Variants in ALKBH3 observed in about 807,000 individuals in gnomAD.
ALKBH3 encodes alkB homolog 3, alpha-ketoglutarate dependent dioxygenase.
Under a neutral mutation model 43.9 loss-of-function variants are expected in ALKBH3, and 51 were observed. The observed-to-expected ratio is 1.16, with a 90% CI of 0.93 to 1.47. ALKBH3 has a LOEUF of 1.47. Ranked by LOEUF, ALKBH3 falls within the 40% of genes most tolerant of loss-of-function variation. The pLI, the probability that ALKBH3 is intolerant of heterozygous loss-of-function variation, is 0.00. For missense variants in ALKBH3, 361 were observed against 351.9 expected, an observed-to-expected ratio of 1.03 and a Z score of -0.21; for synonymous variants, 102 against 115.2, an observed-to-expected ratio of 0.89 and a Z score of 0.73.
rs369573487 is a variant in ALKBH3 at position 43,902,033 on chromosome 11, A to G, written c.669+308A>G. On this transcript the variant is annotated intron_variant, in intron 8 of 9. Coordinates refer to ENST00000302708, the MANE Select transcript of ALKBH3 (RefSeq NM_139178.4). ...GTAGATAAATATTGCCTATTACTCA[A>G]ATAATTGCAATTGTGATCAATGCTG... Among the ~76,000 whole-genome samples, 12 of 152,294 alleles carry G rather than the reference A, an allele frequency of 7.9e-5. No individual in the cohort carries two copies. In the South Asian group the frequency reaches 1.2e-3, roughly 16 times the overall value.
At chr11:43,909,459 A>T (rs1951920328) in intron 8 of ALKBH3, 1 of 152,206 alleles carries the variant, frequency 6.6e-6, no homozygotes, top group Non-Finnish European at 1.5e-5. Flanking sequence ...AGCTTAGGTG[A>T]TCCATGAAAC....
In ALKBH3 at chr11:43,882,621, G is replaced by A; in HGVS notation, c.-32G>A. The A allele has an allele frequency of 6.3e-7, 1 of 1,592,204 alleles. No individual in the cohort carries two copies. The highest frequency in any genetic ancestry group is 8.5e-7 in the Non-Finnish European group (1 of 1,172,706). On this transcript the variant is annotated 5_prime_UTR_variant, in exon 2 of 10. Transcript: ENST00000302708. ...GTTTGAAACAGGAACAAAATCTTCT[G>A]AAAGCTCGGAGCAGAAGCCTTTTTG...
At chr11:43,901,473 G>A (rs1440023305) in intron 7 of ALKBH3, 43 bp from the exon 8 acceptor site, 6 of 1,605,012 alleles carry the variant, frequency 3.7e-6, no homozygotes, top group African/African-American at 2.7e-5. Flanking sequence ...CATTTTGTGT[G>A]TAATGCGACT....
chr11:43,904,047 A>G (rs926460613), intron 8 of ALKBH3, among the ~76,000 whole-genome samples: 1 of 152,204 alleles, frequency 6.6e-6, no homozygotes, highest in African/African-American at 2.4e-5. Context: ...GTGGGCAAGC[A>G]TTTGGAACAG....
chr11:43,897,282 C>T (rs774804678), intron 7 of ALKBH3: 8 of 586,224 alleles, frequency 1.4e-5, no homozygotes, highest in East Asian at 4.2e-5. Context: ...GAGCGCCCGT[C>T]GCCACCCCAC....
intron 8 of ALKBH3, among the ~76,000 whole-genome samples, chr11:43,911,666 A>G: frequency 6.6e-6 from 1 of 152,196 alleles, no homozygotes; most frequent in Non-Finnish European, 1.5e-5. Flanking sequence ...TGATGCCATT[A>G]TTATTTCCAT....
At chr11:43,915,100 C>T (rs754500319) in intron 8 of ALKBH3, among the ~76,000 whole-genome samples, 4 of 151,310 alleles carry the variant, frequency 2.6e-5, no homozygotes, top group Non-Finnish European at 4.4e-5. Flanking sequence ...CCCAGCTACT[C>T]GGGAGGCTGA....
intron 5 of ALKBH3, among the ~76,000 whole-genome samples, chr11:43,887,812 A>G (rs1203983501): frequency 3.3e-5 from 5 of 150,636 alleles, no homozygotes; most frequent in Non-Finnish European, 6.0e-5. Flanking sequence ...GTTTTGAGAC[A>G]GAGTCTCACT....
intron 2 of ALKBH3, 108 bp from the exon 3 acceptor site, chr11:43,882,977 A>T: frequency 1.1e-6 from 1 of 922,142 alleles, no homozygotes; most frequent in Non-Finnish European, 1.7e-6. Flanking sequence ...GTTAGTTTCT[A>T]CATGTCATAG....
At chr11:43,914,404 A>T (rs1405874623) in intron 8 of ALKBH3, among the ~76,000 whole-genome samples, 1 of 152,224 alleles carries the variant, frequency 6.6e-6, no homozygotes, top group Non-Finnish European at 1.5e-5. Context: ...ACCTGAGCAC[A>T]TGCCATCGTA....
intron 8 of ALKBH3, among the ~76,000 whole-genome samples, chr11:43,916,347 C>T (rs1032156944): frequency 7.2e-5 from 11 of 152,114 alleles, no homozygotes; most frequent in Non-Finnish European, 1.2e-4. Context: ...GAACTGGCTG[C>T]GGTTGGAGGA....
intron 8 of ALKBH3, among the ~76,000 whole-genome samples, chr11:43,913,248 A>G (rs1011037046): frequency 4.6e-5 from 7 of 152,016 alleles, no homozygotes; most frequent in African/African-American, 1.7e-4. Flanking sequence ...TTTGTTATAT[A>G]GGTAACTTGT....
chr11:43,898,007 C>G, intron 7 of ALKBH3: 1 of 850,032 alleles, frequency 1.2e-6, no homozygotes, highest in Non-Finnish European at 2.1e-6. Flanking sequence ...TCAGAGACAT[C>G]TTCGTCATCC....
At chr11:43,890,218 C>T (rs11037710) in intron 6 of ALKBH3, among the ~76,000 whole-genome samples, 27,533 of 152,136 alleles carry the variant, frequency 0.18, 2,811 homozygotes, top group South Asian at 0.33. Context: ...ATTTTGCATA[C>T]ATTCTTTCAC....
Position 43,882,701 on chromosome 11 carries a change from C to G in ALKBH3, c.49C>G (p.Pro17Ala). The change falls in exon 2 of 10, where the codon CCT becomes GCT. Residue 17 changes from proline (P) to alanine (A), a missense_variant. Pro to Ala is a conservative substitution (Grantham distance 27, BLOSUM62 -1). Transcript: ENST00000302708. Reference protein sequence around the residue: ...RARVQGAWAAPVKSQAIAQPA... With the variant: ...RARVQGAWAAAVKSQAIAQPA... ...CCGAGTTCAGGGAGCCTGGGCTGCC[C>G]CTGTTAAAAGCCAGGCCATTGCTCA... 6.2e-7 allele frequency: 1 copy of G among 1,613,148 alleles called. No individual in the cohort carries two copies. The highest frequency in any genetic ancestry group is 1.3e-5 in the African/African-American group (1 of 74,948).
At chr11:43,886,473 G>A in intron 4 of ALKBH3, 133 bp from the exon 5 acceptor site, 1 of 725,952 alleles carries the variant, frequency 1.4e-6, no homozygotes, top group Admixed American at 2.5e-5. Flanking sequence ...AAGAAGGTGG[G>A]GATTATGCCT....
intron 8 of ALKBH3, among the ~76,000 whole-genome samples, chr11:43,904,072 G>A (rs369344983): frequency 1.1e-4 from 17 of 152,140 alleles, no homozygotes; most frequent in East Asian, 7.7e-4. Flanking sequence ...TTATCCTGCC[G>A]TGCCCCATGC....
intron 7 of ALKBH3, among the ~76,000 whole-genome samples, chr11:43,896,747 T>C (rs537506222): frequency 2.0e-5 from 3 of 152,216 alleles, no homozygotes; most frequent in Non-Finnish European, 2.9e-5. Context: ...CTGAGATCAG[T>C]GGTAATATTG....
At chr11:43,882,248 G>C (rs12806549) in intron 1 of ALKBH3, among the ~76,000 whole-genome samples, 1 of 152,188 alleles carries the variant, frequency 6.6e-6, no homozygotes, top group Non-Finnish European at 1.5e-5. Flanking sequence ...GTCCATGTAG[G>C]TGAAAATGGG....
Sources: gnomAD v4.1 joint callset for allele counts (sites outside exome capture counted in the v4.1 genomes callset) on GRCh38, gnomAD v4.1.1 for gene constraint, MANE v1.5 for transcripts, NCBI Gene and HGNC (gene_info 2026-07-23, HGNC 2026-07-21) for gene names.